The following TOM1L1 variants were observed in gnomAD, a reference collection of about 807,000 sequenced individuals.
TOM1L1 encodes TOM1-like protein 1.
A neutral mutation model predicts 63.4 loss-of-function variants in TOM1L1; 64 were observed. The observed-to-expected ratio is 1.01, with a 90% CI of 0.83 to 1.24. TOM1L1 has a LOEUF of 1.24. Among genes scored for constraint, TOM1L1 ranks in the 50% most tolerant of loss-of-function variants. The probability of loss-of-function intolerance (pLI) is 0.00; values close to 1 mark genes in which losing one functional copy is unlikely to be tolerated. For missense variants in TOM1L1, 536 were observed against 567.0 expected (o/e 0.95, Z 0.55); for synonymous variants, 166 against 194.4 (o/e 0.85, Z 1.22).
chr17:54,949,615 A>G lies in TOM1L1; in HGVS notation c.1280A>G (p.Asn427Ser). ...CAGAGTCTGCCACCTTTGCCCAGCA[A>G]TCATCCAGGTACATGGGACCTTATT... ...SNQSLPPLPS[N>S]HPAMTKSDLQ... The change falls in exon 13 of 16, where the codon AAT becomes AGT. Residue 427 changes from asparagine (N) to serine (S), a missense_variant. Physicochemically the swap from Asn to Ser is conservative, Grantham distance 46. Transcript: ENST00000575882. 1 of 1,612,834 alleles carries G rather than the reference A, an allele frequency of 6.2e-7. No individual in the cohort carries two copies. Among genetic ancestry groups the G allele is most frequent in the Non-Finnish European group, 8.5e-7 (1 of 1,178,848 alleles).
intron 3 of TOM1L1, among the ~76,000 whole-genome samples, chr17:54,906,159 AACCTC>A (rs2048405117): frequency 6.6e-6 from 1 of 151,436 alleles, no homozygotes; most frequent in African/African-American, 2.4e-5. Flanking sequence ...GATAAAGAGA[AACCTC>A]AACTCTTAAA....
At chr17:54,901,917 A>G (rs949443528) in intron 1 of TOM1L1, among the ~76,000 whole-genome samples, 1 of 152,058 alleles carries the variant, frequency 6.6e-6, no homozygotes, top group Admixed American at 6.6e-5. Context: ...TTTGGATATT[A>G]GAATGAACCC....
chr17:54,944,793 T>A (rs919290406), intron 11 of TOM1L1, among the ~76,000 whole-genome samples: 1 of 152,254 alleles, frequency 6.6e-6, no homozygotes, highest in Admixed American at 6.5e-5. Context: ...CTTCTATAGA[T>A]AATGTATTGT....
chr17:54,956,975 C>G (rs1289725242), intron 14 of TOM1L1: 2 of 152,308 alleles, frequency 1.3e-5, no homozygotes, highest in East Asian at 3.9e-4. Context: ...GGTGAAGATA[C>G]TAGCATGGTA....
intron 11 of TOM1L1, among the ~76,000 whole-genome samples, chr17:54,940,976 T>C (rs1189416529): frequency 6.6e-6 from 1 of 152,198 alleles, no homozygotes; most frequent in Admixed American, 6.5e-5. Flanking sequence ...GTATAAAAAG[T>C]TGTATAAGAC....
At chr17:54,910,330 C>T (rs1417738461) in intron 3 of TOM1L1, among the ~76,000 whole-genome samples, 1 of 152,100 alleles carries the variant, frequency 6.6e-6, no homozygotes, top group African/African-American at 2.4e-5. Flanking sequence ...GTGGTGCACG[C>T]CTGTAATCTC....
intron 12 of TOM1L1, among the ~76,000 whole-genome samples, chr17:54,948,335 G>A (rs1291870506): frequency 6.6e-6 from 1 of 152,014 alleles, no homozygotes; most frequent in Non-Finnish European, 1.5e-5. Flanking sequence ...ACCCACCTGT[G>A]ATTTTCTTCC....
chr17:54,918,902 T>C (rs1269443240), intron 7 of TOM1L1, among the ~76,000 whole-genome samples: 3 of 152,216 alleles, frequency 2.0e-5, no homozygotes, highest in Non-Finnish European at 4.4e-5. Flanking sequence ...CTGCTAATAT[T>C]CTGCAGAACA....
chr17:54,937,779 G>T (rs1171709863), intron 10 of TOM1L1: 1 of 151,674 alleles, frequency 6.6e-6, no homozygotes, highest in East Asian at 1.9e-4. Flanking sequence ...TTAAAGGGTG[G>T]TTGTCAAGGT....
rs1318549198 is a variant in TOM1L1, at chr17:54,914,707, T to C, written c.567T>C (p.Ala189=). ...CACCAGCTCTTTCTTCTGTAATTGC[T>C]CCAAAGAACTCGACTGTTACATTGG... The part of the protein sequence containing the change: ...PTAPALSSVI[A]PKNSTVTLVP... The change falls in exon 6 of 16, where the codon GCT becomes GCC. Residue 189 remains alanine, a synonymous_variant. Transcript: ENST00000575882. 1 of 1,613,852 alleles carries C rather than the reference T, an allele frequency of 6.2e-7. No homozygotes were observed. Among genetic ancestry groups the C allele is most frequent in the Admixed American group, 1.7e-5 (1 of 60,028 alleles).
chr17:54,941,305 A>G (rs973542537), intron 11 of TOM1L1, among the ~76,000 whole-genome samples: 8 of 152,194 alleles, frequency 5.3e-5, no homozygotes, highest in Non-Finnish European at 1.5e-5. Context: ...TATATTTAAA[A>G]GGGGGAGGGG....
intron 14 of TOM1L1, 61 bp downstream of exon 14, chr17:54,950,187 T>C (rs2049194895): frequency 7.6e-7 from 1 of 1,318,228 alleles, no homozygotes; most frequent in Non-Finnish European, 1.1e-6. Context: ...ATAGCAGAGC[T>C]AACAGGGCTT....
intron 11 of TOM1L1, among the ~76,000 whole-genome samples, chr17:54,943,794 C>T (rs549789308): frequency 5.9e-5 from 9 of 151,712 alleles, no homozygotes; most frequent in Admixed American, 2.0e-4. Flanking sequence ...CTAGCTAATA[C>T]GGTGAAACCC....
At chr17:54,929,145 A>G (rs978378370) in intron 7 of TOM1L1, among the ~76,000 whole-genome samples, 3 of 152,212 alleles carry the variant, frequency 2.0e-5, no homozygotes, top group Non-Finnish European at 2.9e-5. Context: ...TTACACAGAC[A>G]AAACTCTAGC....
Position 54,903,704 on chromosome 17 carries a change from G to A in TOM1L1, c.59-4G>A, listed in dbSNP as rs755867175. On this transcript the variant is annotated splice_polypyrimidine_tract_variant and splice_region_variant and intron_variant, in intron 1 of 15. Transcript: ENST00000575882. Reference sequence around the variant, plus strand: ...GCTCAGACTCAACAGCTTTTTCTTGGCAGAAAAGGCTACATTTGCTGGAGT... The same window carrying A: ...GCTCAGACTCAACAGCTTTTTCTTGACAGAAAAGGCTACATTTGCTGGAGT... 11 of 1,613,208 alleles carry A rather than the reference G, an allele frequency of 6.8e-6. No individual in the cohort carries two copies. The highest frequency in any genetic ancestry group is 8.5e-7 in the Non-Finnish European group (1 of 1,179,346).
chr17:54,916,028 C>T, intron 7 of TOM1L1, 166 bp downstream of exon 7: 1 of 499,218 alleles, frequency 2.0e-6, no homozygotes, highest in Non-Finnish European at 3.5e-6. Flanking sequence ...ATGACTTTGT[C>T]AGAAATGCAG....
At chr17:54,902,929 C>T (rs919921324) in intron 1 of TOM1L1, among the ~76,000 whole-genome samples, 13 of 152,068 alleles carry the variant, frequency 8.5e-5, no homozygotes, top group Admixed American at 7.9e-4. Context: ...ATTATTAGTT[C>T]GGATAGTTAT....
intron 3 of TOM1L1, among the ~76,000 whole-genome samples, chr17:54,908,236 A>G (rs2048443094): frequency 6.6e-6 from 1 of 152,142 alleles, no homozygotes; most frequent in African/African-American, 2.4e-5. Flanking sequence ...AGTCAGGAAA[A>G]ACATCTGGCT....
intron 8 of TOM1L1, 65 bp from the exon 9 acceptor site, chr17:54,936,584 G>C (rs1380528879): frequency 3.0e-6 from 4 of 1,349,732 alleles, no homozygotes; most frequent in Non-Finnish European, 3.1e-6. Context: ...ATTAATAATT[G>C]TTAGATTTTT....
Sources: allele counts gnomAD v4.1 joint callset (sites outside exome capture counted in the v4.1 genomes callset), GRCh38; gene constraint gnomAD v4.1.1; transcripts MANE v1.5; gene names NCBI Gene and HGNC (gene_info 2026-07-23, HGNC 2026-07-21).